The following MRPL3 variants were observed in gnomAD, a reference collection of about 807,000 sequenced individuals.
MRPL3 encodes mitochondrial ribosomal protein L3.
A neutral mutation model predicts 44.3 loss-of-function variants in MRPL3; 43 were observed. That is an observed-to-expected ratio of 0.97 (90% CI 0.76 to 1.25). The LOEUF is 1.25. MRPL3 is among the 50% of genes most tolerant of loss of function. The pLI, the probability that MRPL3 is intolerant of heterozygous loss-of-function variation, is 0.00. For synonymous variants in MRPL3, 171 were observed against 152.3 expected (o/e 1.12, Z -0.91); for missense variants, 406 against 427.6 (o/e 0.95, Z 0.45).
intron 1 of MRPL3, among the ~76,000 whole-genome samples, chr3:131,502,105 A>G (rs1025839832): frequency 1.3e-5 from 2 of 152,184 alleles, no homozygotes; most frequent in African/African-American, 4.8e-5. Flanking sequence ...CCTCCCTGCA[A>G]TGACATGGCC....
intron 6 of MRPL3, among the ~76,000 whole-genome samples, chr3:131,471,932 C>T (rs528292641): frequency 3.6e-4 from 55 of 152,194 alleles, no homozygotes; most frequent in African/African-American, 1.3e-3. Context: ...AACGAAGGAC[C>T]TGAGGTCTGC....
In MRPL3 at chr3:131,500,469, C is replaced by T; in HGVS notation, c.330G>A (p.Trp110Ter). 3 of 1,613,802 alleles carry T rather than the reference C, an allele frequency of 1.9e-6. No individual in the cohort carries two copies. The highest frequency in any genetic ancestry group is 1.7e-6 in the Non-Finnish European group (2 of 1,179,874). Residue 110 changes from tryptophan (W) to a stop codon, truncating the protein, a stop_gained, in exon 3 of 10, where the codon TGG (tryptophan) becomes TGA (stop). Transcript: ENST00000264995. LOFTEE classifies it high-confidence loss of function. Reference protein sequence around the residue: ...IALKLGMMPLWTKDGQKHVVT... With the variant: ...IALKLGMMPL ...CCACATGCTTTTGACCATCCTTGGT[C>T]CATAAAGGCATCATGCCCAGCTTCA...
chr3:131,488,987 C>T (rs1419934537), intron 5 of MRPL3, among the ~76,000 whole-genome samples: 2 of 151,826 alleles, frequency 1.3e-5, no homozygotes, highest in African/African-American at 4.8e-5. Context: ...TTTTTGACCC[C>T]AAAAACAATT....
intron 7 of MRPL3, 67 bp downstream of exon 7, chr3:131,471,104 G>T: frequency 9.2e-7 from 1 of 1,089,940 alleles, no homozygotes; most frequent in South Asian, 1.3e-5. Context: ...ATCAAGGACG[G>T]ACTGAGGACT....
intron 9 of MRPL3, among the ~76,000 whole-genome samples, chr3:131,467,741 T>C (rs1933645111): frequency 6.6e-6 from 1 of 152,150 alleles, no homozygotes; most frequent in Non-Finnish European, 1.5e-5. Flanking sequence ...AAACCTCTTT[T>C]ATTTATAAAT....
At chr3:131,470,335 A>C (rs1283679516) in intron 7 of MRPL3, among the ~76,000 whole-genome samples, 1 of 152,144 alleles carries the variant, frequency 6.6e-6, no homozygotes, top group Non-Finnish European at 1.5e-5. Context: ...ATAACGGGTA[A>C]TAGTTCTACA....
rs773105085 is a variant in MRPL3 at position 131,464,903 on chromosome 3, T to C, written c.895-2028A>G. On this transcript the variant is annotated intron_variant, in intron 9 of 9. Transcript: ENST00000264995. ...CCACTAGGAAGTGGCTCAAAACCCA[T>C]AGGCAAGGAAGGACTAATTTACCTG... 2.0e-5 allele frequency among the ~76,000 whole-genome samples: 3 copies of C among 152,154 alleles called. 1 individual carries two copies. The highest frequency in any genetic ancestry group is 4.4e-5 in the Non-Finnish European group (3 of 68,002).
chr3:131,471,120 T>G, intron 7 of MRPL3, 51 bp downstream of exon 7: 1 of 1,273,976 alleles, frequency 7.8e-7, no homozygotes, highest in Non-Finnish European at 1.1e-6. Flanking sequence ...GGACTACATG[T>G]GCAGAAGTTG....
At chr3:131,494,433 T>A (rs1444753414) in intron 4 of MRPL3, among the ~76,000 whole-genome samples, 1 of 152,216 alleles carries the variant, frequency 6.6e-6, no homozygotes. Flanking sequence ...AAATTCAGAT[T>A]TATTAAATTT....
intron 5 of MRPL3, 67 bp downstream of exon 5, chr3:131,489,914 G>T: frequency 1.1e-6 from 1 of 913,228 alleles, no homozygotes; most frequent in Non-Finnish European, 1.8e-6. Flanking sequence ...TTATTGAAAG[G>T]GCTGACATTA....
At chr3:131,492,982 G>C (rs1486607620) in intron 4 of MRPL3, among the ~76,000 whole-genome samples, 1 of 152,164 alleles carries the variant, frequency 6.6e-6, no homozygotes, top group African/African-American at 2.4e-5. Context: ...TGACAAAAAA[G>C]TTATGCCACT....
At chr3:131,468,943 T>C (rs1296835315) in intron 8 of MRPL3, among the ~76,000 whole-genome samples, 3 of 152,066 alleles carry the variant, frequency 2.0e-5, no homozygotes, top group Non-Finnish European at 1.5e-5. Context: ...GTATTGTTCT[T>C]ATTGGTGGCT....
Position 131,500,415 on chromosome 3 carries a change from C to G in MRPL3, c.369+15G>C. 6.3e-7 allele frequency: 1 copy of G among 1,596,450 alleles called. No individual in the cohort carries two copies. Among genetic ancestry groups the G allele is most frequent in the South Asian group, 1.1e-5 (1 of 90,734 alleles). The stretch of plus-strand genomic sequence containing the variant: ...AACACATAGATATCTCTTACGTCTT[C>G]TGTTTCTCTCTTACCTGAAGTAATG... On this transcript the variant is annotated intron_variant, in intron 3 of 9. Coordinates refer to ENST00000264995, the MANE Select transcript of MRPL3 (RefSeq NM_007208.4).
At chr3:131,489,856 T>C in intron 5 of MRPL3, 125 bp downstream of exon 5, 1 of 577,402 alleles carries the variant, frequency 1.7e-6, no homozygotes, top group Non-Finnish European at 3.1e-6. Flanking sequence ...GAGATACAGT[T>C]TTGTATTTAA....
intron 6 of MRPL3, among the ~76,000 whole-genome samples, chr3:131,473,354 C>A (rs1427594277): frequency 6.6e-6 from 1 of 151,676 alleles, no homozygotes; most frequent in East Asian, 1.9e-4. Flanking sequence ...TGAATACCCA[C>A]ATGTAATGAG....
intron 9 of MRPL3, among the ~76,000 whole-genome samples, chr3:131,465,150 C>T (rs995508740): frequency 2.6e-5 from 4 of 152,152 alleles, no homozygotes; most frequent in African/African-American, 9.7e-5. Context: ...AATATATTCA[C>T]TAGTGTGTTA....
intron 9 of MRPL3, among the ~76,000 whole-genome samples, chr3:131,465,671 G>A (rs2110693362): frequency 6.6e-6 from 1 of 152,214 alleles, no homozygotes; most frequent in East Asian, 1.9e-4. Flanking sequence ...CCTGTGATCT[G>A]AAATGTGGGG....
At chr3:131,465,344 T>C (rs569220488) in intron 9 of MRPL3, among the ~76,000 whole-genome samples, 35 of 152,336 alleles carry the variant, frequency 2.3e-4, no homozygotes, top group Non-Finnish European at 2.9e-5. Context: ...ATCTGAGTAA[T>C]AAATGTTACT....
At chr3:131,465,042 G>T (rs1933570915) in intron 9 of MRPL3, among the ~76,000 whole-genome samples, 1 of 152,208 alleles carries the variant, frequency 6.6e-6, no homozygotes, top group South Asian at 2.1e-4. Flanking sequence ...ATTAATGCCT[G>T]GGCAGATACT....
Sources: allele counts gnomAD v4.1 joint callset (sites outside exome capture counted in the v4.1 genomes callset), GRCh38; gene constraint gnomAD v4.1.1; transcripts MANE v1.5; gene names NCBI Gene and HGNC (gene_info 2026-07-23, HGNC 2026-07-21).